The following NMI variants were observed in gnomAD, a reference collection of about 807,000 sequenced individuals.
The protein encoded by NMI is N-myc and STAT interactor.
Under a neutral mutation model 34.3 loss-of-function variants are expected in NMI, and 39 were observed. That is an observed-to-expected ratio of 1.14 (90% CI 0.88 to 1.49). The LOEUF (loss-of-function observed/expected upper bound fraction) is 1.49, where lower values mean the gene tolerates loss of function less well. Ranked by LOEUF, NMI falls within the 40% of genes most tolerant of loss-of-function variation. The probability of loss-of-function intolerance (pLI) is 0.00; values close to 1 mark genes in which losing one functional copy is unlikely to be tolerated. For synonymous variants in NMI, 113 were observed against 120.3 expected, an observed-to-expected ratio of 0.94 and a Z score of 0.40; for missense variants, 339 against 358.1, an observed-to-expected ratio of 0.95 and a Z score of 0.43.
At chr2:151,285,757 A>G (rs996586043) in intron 1 of NMI, among the ~76,000 whole-genome samples, 1 of 152,158 alleles carries the variant, frequency 6.6e-6, no homozygotes. Context: ...TTCTCCACCA[A>G]AAGGAACCAG....
intron 3 of NMI, among the ~76,000 whole-genome samples, chr2:151,281,433 AAAT>A (rs755147525): frequency 6.6e-6 from 1 of 152,180 alleles, no homozygotes; most frequent in Non-Finnish European, 1.5e-5. Context: ...AAGTGTACGT[AAAT>A]AATAGAAAAA....
intron 1 of NMI, among the ~76,000 whole-genome samples, chr2:151,286,572 T>C (rs1400652105): frequency 6.6e-6 from 1 of 152,152 alleles, no homozygotes; most frequent in Non-Finnish European, 1.5e-5. Flanking sequence ...GGTGCACTGA[T>C]GTTCTCCTAT....
intron 7 of NMI, 139 bp from the exon 8 acceptor site, chr2:151,271,014 G>A: frequency 1.4e-6 from 1 of 712,894 alleles, no homozygotes. Context: ...CCAAGCAAGA[G>A]AATATCCAAG....
chr2:151,274,492 T>C (rs1683251302), intron 6 of NMI, among the ~76,000 whole-genome samples: 1 of 151,292 alleles, frequency 6.6e-6, no homozygotes, highest in Non-Finnish European at 1.5e-5. Context: ...TTGTTTTTTT[T>C]TGAGACGGAG....
intron 1 of NMI, among the ~76,000 whole-genome samples, chr2:151,286,927 T>C (rs942447449): frequency 6.6e-6 from 1 of 152,176 alleles, no homozygotes; most frequent in Non-Finnish European, 1.5e-5. Context: ...TAAATTTGTA[T>C]GCCATTTCTC....
chr2:151,272,543 A>C (rs570540855), intron 6 of NMI, among the ~76,000 whole-genome samples: 2 of 152,360 alleles, frequency 1.3e-5, no homozygotes, highest in Admixed American at 6.5e-5. Context: ...AAAATAGAAC[A>C]TGATATGATC....
intron 1 of NMI, among the ~76,000 whole-genome samples, chr2:151,284,177 G>A (rs935362505): frequency 1.3e-5 from 2 of 152,180 alleles, no homozygotes; most frequent in East Asian, 3.9e-4. Context: ...CCAACATGGT[G>A]AAACCCCGTC....
intron 1 of NMI, among the ~76,000 whole-genome samples, chr2:151,284,292 T>C (rs1558878081): frequency 6.6e-6 from 1 of 151,914 alleles, no homozygotes; most frequent in Non-Finnish European, 1.5e-5. Context: ...ATGTATTTTA[T>C]TTTATGCATT....
chr2:151,278,294 A>T (rs1683325363), intron 4 of NMI: 2 of 153,074 alleles, frequency 1.3e-5, no homozygotes, highest in Admixed American at 6.5e-5. Context: ...ACCATGGCAG[A>T]CTTAGCAAAC....
At chr2:151,276,967 A>T (rs182117761) in intron 4 of NMI, among the ~76,000 whole-genome samples, 1 of 152,260 alleles carries the variant, frequency 6.6e-6, no homozygotes, top group Non-Finnish European at 1.5e-5. Context: ...CTCTATGTCA[A>T]TTAAAAATGT....
intron 1 of NMI, among the ~76,000 whole-genome samples, chr2:151,287,281 G>GTATA (rs200069642): frequency 6.7e-6 from 1 of 149,476 alleles, no homozygotes; most frequent in Non-Finnish European, 1.5e-5. Flanking sequence ...ATATATATAA[G>GTATA]TATATATATA....
chr2:151,273,816 C>T lies in NMI; in HGVS notation c.634+1668G>A, dbSNP rs377450808. ...GGATTATAGGCATGAGCCACTGCGC[C>T]TGGCCAGATTTTTTAAAATCCAAGA... On this transcript the variant is annotated intron_variant, in intron 6 of 7. Coordinates refer to ENST00000243346, the MANE Select transcript of NMI (RefSeq NM_004688.3). Among the ~76,000 whole-genome samples, 125 of 152,324 alleles carry T rather than the reference C, an allele frequency of 8.2e-4. 5 individuals are homozygous for T. The South Asian group carries it at 0.022, about 27-fold the overall frequency.
chr2:151,278,736 T>C, intron 4 of NMI, 92 bp downstream of exon 4: 1 of 966,576 alleles, frequency 1.0e-6, no homozygotes, highest in East Asian at 2.5e-5. Context: ...TAAGAAATAA[T>C]ATAAGTGAAG....
At position 151,270,798 on chromosome 2, in the gene NMI, C is replaced by A; in HGVS notation, c.819G>T (p.Glu273Asp). ...EGIQMDEEIV[E>D]DLINIHFQRA... ...GTTGAAAGTGAATGTTAATTAAATC[C>A]TCCACAATTTCTTCATCCATTTGAA... is the stretch of plus-strand genomic sequence containing the variant. The change falls in exon 8 of 8, where the codon GAG (glutamate) becomes GAT (aspartate). Residue 273 changes from glutamate to aspartate, a missense_variant. Coordinates refer to ENST00000243346, the MANE Select transcript of NMI (RefSeq NM_004688.3). 6.2e-7 allele frequency: 1 copy of A among 1,613,876 alleles called. No homozygotes were observed. Among genetic ancestry groups the A allele is most frequent in the African/African-American group, 1.3e-5 (1 of 75,024 alleles).
Position 151,275,540 on chromosome 2 carries a change from C to T in NMI, c.578G>A (p.Arg193His), listed in dbSNP as rs148343962. The T allele has an allele frequency of 4.6e-5, 75 of 1,614,174 alleles. 1 individual carries two copies. The highest frequency in any genetic ancestry group is 3.3e-4 in the Middle Eastern group (2 of 6,052). The change falls in exon 6 of 8, where the codon CGC (arginine) becomes CAC (histidine). Residue 193 changes from arginine (R) to histidine (H), a missense_variant. Arg to His is a conservative substitution (Grantham distance 29, BLOSUM62 0). Coordinates refer to ENST00000243346, the MANE Select transcript of NMI (RefSeq NM_004688.3). Reference sequence around the variant, plus strand: ...CCCGGACTGTCTGTCATAGTCCACGCGGTCCACCTCTCCGCCTCCATTTCG... The same window carrying T: ...CCCGGACTGTCTGTCATAGTCCACGTGGTCCACCTCTCCGCCTCCATTTCG... ...KSRNGGGEVD[R>H]VDYDRQSGSA...
At chr2:151,281,894 C>T (rs1365532033) in intron 3 of NMI, 54 bp downstream of exon 3, 1 of 875,902 alleles carries the variant, frequency 1.1e-6, no homozygotes, top group Non-Finnish European at 1.9e-6. Flanking sequence ...AATGCTTTTT[C>T]CAAAAACCAT....
intron 7 of NMI, 120 bp from the exon 8 acceptor site, chr2:151,270,995 G>T: frequency 2.4e-6 from 2 of 832,862 alleles, no homozygotes; most frequent in Non-Finnish European, 3.7e-6. Flanking sequence ...GAAATCTTAG[G>T]AAGATTTTCC....
chr2:151,289,252 CAAAAAAAA>C (rs5835358), intron 1 of NMI, among the ~76,000 whole-genome samples: 12 of 74,280 alleles, frequency 1.6e-4, no homozygotes, highest in South Asian at 5.1e-4. Context: ...GACTCCGTCT[CAAAAAAAA>C]AAAAAAAAAA....
chr2:151,270,711 T>C lies in NMI; in HGVS notation c.906A>G (p.Ile302Met), dbSNP rs1221598998. The C allele has an allele frequency of 1.2e-6, 2 of 1,613,640 alleles. No homozygotes were observed. The highest frequency in any genetic ancestry group is 1.1e-5 in the South Asian group (1 of 91,024). Residue 302 changes from isoleucine (I) to methionine (M), a missense_variant, in exon 8 of 8, where the codon ATA (isoleucine) becomes ATG (methionine). Physicochemically the swap from Ile to Met is conservative, Grantham distance 10. Coordinates refer to ENST00000243346, the MANE Select transcript of NMI (RefSeq NM_004688.3). ...VVKCSLGQPH[I>M]AYFEE The stretch of plus-strand genomic sequence containing the variant: ...GTTAAGTCTATTCTTCAAAGTATGC[T>C]ATGTGAGGTTGACCTAGAGAACACT...
Sources: allele counts gnomAD v4.1 joint callset (sites outside exome capture counted in the v4.1 genomes callset), GRCh38; gene constraint gnomAD v4.1.1; transcripts MANE v1.5; gene names NCBI Gene and HGNC (gene_info 2026-07-23, HGNC 2026-07-21).